PHLPP1: variants seen among roughly 807,000 people sequenced by gnomAD.
PHLPP1 encodes the protein PH domain and leucine rich repeat protein phosphatase 1.
In PHLPP1, 42 loss-of-function variants were observed where a neutral mutation model predicts 117.2. The ratio of observed to expected loss-of-function variants is 0.36; its 90% CI spans 0.28 to 0.46. The LOEUF is 0.46. Among genes scored for constraint, PHLPP1 ranks in the 20% least tolerant of loss-of-function variants. PHLPP1 has a pLI of 1.00. For missense variants in PHLPP1, 2,084 were observed against 2,241.9 expected, an observed-to-expected ratio of 0.93 and a Z score of 1.42; for synonymous variants, 1,042 against 970.7, an observed-to-expected ratio of 1.07 and a Z score of -1.37.
intron 1 of PHLPP1, among the ~76,000 whole-genome samples, chr18:62,755,307 T>C (rs1364294852): frequency 6.6e-6 from 1 of 152,196 alleles, no homozygotes; most frequent in Admixed American, 6.5e-5. Flanking sequence ...TTTTCCTTTC[T>C]TTAGGTTCTT....
intron 1 of PHLPP1, among the ~76,000 whole-genome samples, chr18:62,725,636 AAGAG>A (rs35679507): frequency 8.6e-5 from 13 of 151,186 alleles, no homozygotes; most frequent in African/African-American, 2.2e-4. Flanking sequence ...CTCTTAAAAA[AAGAG>A]AGAGAGAGAG....
chr18:62,737,292 T>G (rs1192839469), intron 1 of PHLPP1, among the ~76,000 whole-genome samples: 1 of 151,780 alleles, frequency 6.6e-6, no homozygotes, highest in East Asian at 1.9e-4. Flanking sequence ...AAATTTTAGG[T>G]GATGAGATGA....
chr18:62,861,395 CGCCTG>C (rs1312831077), intron 4 of PHLPP1, among the ~76,000 whole-genome samples: 2 of 152,188 alleles, frequency 1.3e-5, no homozygotes, highest in Non-Finnish European at 2.9e-5. Flanking sequence ...TGAGACACCA[CGCCTG>C]GCCTAGAATC....
chr18:62,921,906 G>A (rs368198775), intron 10 of PHLPP1, among the ~76,000 whole-genome samples: 3 of 152,040 alleles, frequency 2.0e-5, no homozygotes, highest in Admixed American at 6.6e-5. Context: ...TTTTCCTTTC[G>A]TTCTGTTTTC....
intron 1 of PHLPP1, among the ~76,000 whole-genome samples, chr18:62,758,150 T>C (rs1227011956): frequency 1.3e-5 from 2 of 152,224 alleles, no homozygotes; most frequent in African/African-American, 4.8e-5. Flanking sequence ...AGTAGAAATC[T>C]TTTTCCCTAT....
rs1210485393 is a variant in PHLPP1, at chr18:62,977,798, C to A, written c.3985-464C>A. On this transcript the variant is annotated intron_variant, in intron 16 of 16. Coordinates refer to ENST00000262719, the MANE Select transcript of PHLPP1 (RefSeq NM_194449.4). Reference sequence around the variant, plus strand: ...GTCATGTGTCTTTGCTCAGGACTGGCTTCTATCAGAAAGTCTCTTGCTACC... The same window carrying A: ...GTCATGTGTCTTTGCTCAGGACTGGATTCTATCAGAAAGTCTCTTGCTACC... 2.6e-5 allele frequency among the ~76,000 whole-genome samples: 4 copies of A among 151,732 alleles called. No homozygotes were observed. The East Asian group carries it at 7.7e-4, about 29-fold the overall frequency.
At chr18:62,907,249 C>G (rs1916872912) in intron 8 of PHLPP1, among the ~76,000 whole-genome samples, 1 of 25,444 alleles carries the variant, frequency 3.9e-5, no homozygotes, top group African/African-American at 1.2e-4. Context: ...CGCAGAGCGC[C>G]TCTCCTCCTC....
chr18:62,838,261 G>A lies in PHLPP1; in HGVS notation c.1774-523G>A, dbSNP rs910226357. 4 of 152,156 alleles carry A rather than the reference G, an allele frequency of 2.6e-5. No homozygotes were observed. In the South Asian group the frequency reaches 6.2e-4, roughly 24 times the overall value. The allele number at this position is 152,156 out of a possible 1,614,324, so 9.4% of individuals were successfully genotyped here. A position where few individuals can be genotyped will look rare whatever the true frequency, so the allele number is the denominator to read the frequency against. The stretch of plus-strand genomic sequence containing the variant: ...AAGTTTGTATAATGTTACTTTTGGT[G>A]TGTATTTTTCCCCTTGTGAAGAACT... On this transcript the variant is annotated intron_variant, in intron 2 of 16. Coordinates refer to ENST00000262719, the MANE Select transcript of PHLPP1 (RefSeq NM_194449.4).
intron 12 of PHLPP1, among the ~76,000 whole-genome samples, chr18:62,958,341 T>C (rs1450308134): frequency 6.6e-6 from 1 of 152,246 alleles, no homozygotes; most frequent in Admixed American, 6.5e-5. Flanking sequence ...GATTTTTTAG[T>C]TAATGCTTAA....
intron 6 of PHLPP1, among the ~76,000 whole-genome samples, chr18:62,901,256 T>C (rs569244696): frequency 6.6e-6 from 1 of 152,330 alleles, no homozygotes; most frequent in African/African-American, 2.4e-5. Flanking sequence ...TCCTGCAGTC[T>C]GTTGTACCCA....
chr18:62,864,051 C>T (rs952830227), intron 4 of PHLPP1, among the ~76,000 whole-genome samples: 9 of 151,786 alleles, frequency 5.9e-5, no homozygotes, highest in East Asian at 3.9e-4. Context: ...GACAGAGTCT[C>T]GCTCCTGTTG....
In PHLPP1 at chr18:62,716,575, C is replaced by A; in HGVS notation, c.892C>A (p.Pro298Thr). ...PGAFGGPPRA[P>T]PADLPLPVGG... The stretch of plus-strand genomic sequence containing the variant: ...TGCCTTCGGGGGGCCTCCGCGCGCG[C>A]CCCCCGCCGACCTACCCCTGCCCGT... Residue 298 changes from proline (P) to threonine (T), a missense_variant, in exon 1 of 17, where the codon CCC (proline) becomes ACC (threonine). Pro to Thr is a conservative substitution (Grantham distance 38). Around this residue, in one of 2 missense-constraint regions of PHLPP1, gnomAD observed 719 missense variants for 636.0 expected, o/e 1.13. Coordinates refer to ENST00000262719, the MANE Select transcript of PHLPP1 (RefSeq NM_194449.4). The surrounding 1 kb of genome is among the most constrained non-coding windows in gnomAD (Gnocchi z 5.7). The A allele has an allele frequency of 1.7e-6, 2 of 1,208,394 alleles. No individual in the cohort carries two copies. The highest frequency in any genetic ancestry group is 4.1e-5 in the South Asian group (1 of 24,266). 74.9% of individuals were successfully genotyped at this position (1,208,394 alleles called of 1,614,324 possible).
chr18:62,918,879 G>T (rs1056981046), intron 9 of PHLPP1, among the ~76,000 whole-genome samples: 2 of 151,924 alleles, frequency 1.3e-5, no homozygotes, highest in African/African-American at 2.4e-5. Context: ...AATATGTGAG[G>T]TAATGCATAT....
intron 1 of PHLPP1, among the ~76,000 whole-genome samples, chr18:62,805,630 G>A (rs1913927978): frequency 1.3e-5 from 2 of 151,976 alleles, no homozygotes; most frequent in Non-Finnish European, 2.9e-5. Context: ...CAAAGTGTTG[G>A]GATTATAGGT....
chr18:62,725,255 G>C (rs866093350), intron 1 of PHLPP1, among the ~76,000 whole-genome samples: 3 of 151,528 alleles, frequency 2.0e-5, no homozygotes, highest in Admixed American at 2.0e-4. Context: ...AGCTACTCCA[G>C]AGGCTGGGGC....
chr18:62,729,432 C>G (rs1911167795), intron 1 of PHLPP1, among the ~76,000 whole-genome samples: 1 of 152,192 alleles, frequency 6.6e-6, no homozygotes, highest in Non-Finnish European at 1.5e-5. Flanking sequence ...CGTGGTGGCT[C>G]ATGCCTGTAA....
At chr18:62,836,871 C>T (rs1002804789) in intron 2 of PHLPP1, among the ~76,000 whole-genome samples, 4 of 152,086 alleles carry the variant, frequency 2.6e-5, no homozygotes, top group Admixed American at 2.6e-4. Flanking sequence ...ATAGGAGAAT[C>T]GCTTGCAATC....
At chr18:62,819,098 C>T (rs1004803109) in intron 1 of PHLPP1, among the ~76,000 whole-genome samples, 1 of 152,012 alleles carries the variant, frequency 6.6e-6, no homozygotes, top group Non-Finnish European at 1.5e-5. Flanking sequence ...ACTTGTGAAC[C>T]AGTATAAACC....
At chr18:62,968,378 G>A (rs1054138274) in intron 14 of PHLPP1, among the ~76,000 whole-genome samples, 2 of 151,684 alleles carry the variant, frequency 1.3e-5, no homozygotes, top group Admixed American at 1.3e-4. Context: ...CATCTGTTCT[G>A]GGTTTTTTTT....
Sources: gnomAD v4.1 joint callset for allele counts (sites outside exome capture counted in the v4.1 genomes callset) on GRCh38, gnomAD v4.1.1 for gene constraint, gnomAD v4.1.1 regional missense constraint, Gnocchi (gnomAD v3.1) non-coding constraint, MANE v1.5 for transcripts, NCBI Gene and HGNC (gene_info 2026-07-23, HGNC 2026-07-21) for gene names.